The following NRXN1 variants were observed in gnomAD, a reference collection of about 807,000 sequenced individuals.
NRXN1 encodes neurexin 1, also known as neurexin-1.
In NRXN1, 39 loss-of-function variants were observed where a neutral mutation model predicts 150.9. That is an observed-to-expected ratio of 0.26 (90% CI 0.20 to 0.34). The LOEUF is 0.34. Among genes scored for constraint, NRXN1 ranks in the 10% least tolerant of loss-of-function variants. NRXN1 has a pLI of 1.00. For synonymous variants in NRXN1, 924 were observed against 757.0 expected (o/e 1.22, Z -3.62); for missense variants, 1,815 against 1,949.9 (o/e 0.93, Z 1.30).
At chr2:50,448,620 A>C (rs879906172) in intron 17 of NRXN1, among the ~76,000 whole-genome samples, 7 of 152,340 alleles carry the variant, frequency 4.6e-5, no homozygotes, top group Admixed American at 4.6e-4. Flanking sequence ...ACTTTTTACT[A>C]AACTAAAATG....
intron 17 of NRXN1, among the ~76,000 whole-genome samples, chr2:50,313,477 G>A (rs1056903619): frequency 3.3e-5 from 5 of 152,112 alleles, no homozygotes; most frequent in Non-Finnish European, 7.4e-5. Context: ...TGCCATGAAA[G>A]CTGTGAGCCC....
intron 5 of NRXN1, among the ~76,000 whole-genome samples, chr2:50,781,656 T>C (rs1336991623): frequency 6.6e-6 from 1 of 152,220 alleles, no homozygotes; most frequent in Non-Finnish European, 1.5e-5. Flanking sequence ...AGAGGTTATA[T>C]AAATAGTGAC....
rs71225142 is a variant in NRXN1, at chr2:50,683,646, A to AAT, written c.833-60033_833-60032dup. Among the ~76,000 whole-genome samples the AAT allele has an allele frequency of 2.4e-3, 35 of 14,880 alleles. 4 individuals carry two copies. Among genetic ancestry groups the AAT allele is most frequent in the Admixed American group, 8.6e-3 (8 of 932 alleles). The allele number at this position is 14,880 out of a possible 152,430, so 9.8% of individuals were successfully genotyped here. ...GACTCCGTCTCAAAAAAAAAAAAAA[A>AAT]ATATATATATATATATATATGTTAT... is the stretch of plus-strand genomic sequence containing the variant. On this transcript the variant is annotated intron_variant, in intron 5 of 22. Transcript: ENST00000401669.
intron 2 of NRXN1, among the ~76,000 whole-genome samples, chr2:50,930,436 T>C (rs929796438): frequency 1.3e-5 from 2 of 152,110 alleles, no homozygotes; most frequent in Non-Finnish European, 2.9e-5. Context: ...CCTAAAGTTA[T>C]TGCGATTTAT....
chr2:49,937,758 T>C (rs867767278), intron 22 of NRXN1, among the ~76,000 whole-genome samples: 1 of 152,212 alleles, frequency 6.6e-6, no homozygotes, highest in African/African-American at 2.4e-5. Flanking sequence ...TTGACAGCAA[T>C]GTGTTGGCTA....
chr2:49,959,451 G>T (rs1160089406), intron 21 of NRXN1, among the ~76,000 whole-genome samples: 1 of 151,922 alleles, frequency 6.6e-6, no homozygotes, highest in Non-Finnish European at 1.5e-5. Flanking sequence ...GCTCTTCACG[G>T]TAGCATCTTT....
At position 49,956,184 on chromosome 2, in the gene NRXN1, T is replaced by C. The variant is rs867071182; in HGVS notation, c.4129-12393A>G. Among the ~76,000 whole-genome samples, 23 of 151,914 alleles carry C rather than the reference T, an allele frequency of 1.5e-4. No homozygotes were observed. The South Asian group carries it at 1.7e-3, about 11-fold the overall frequency. On this transcript the variant is annotated intron_variant, in intron 21 of 22. Coordinates refer to ENST00000401669, the MANE Select transcript of NRXN1 (RefSeq NM_001330078.2). ...ATTCCAGCCAGTATAATCAGAAAAA[T>C]AGAAGTAATTTGATAGGAAAAATAA...
chr2:49,974,244 C>T (rs200527832), intron 21 of NRXN1: 538 of 664,870 alleles, frequency 8.1e-4, no homozygotes, highest in Non-Finnish European at 1.2e-3. Context: ...CAATGGCTGA[C>T]GCACTACGGC....
intron 8 of NRXN1, among the ~76,000 whole-genome samples, chr2:50,596,863 C>CTTTTTTTTTT (rs3053104): frequency 3.3e-5 from 3 of 92,152 alleles, no homozygotes; most frequent in African/African-American, 4.3e-5. Flanking sequence ...ATTCCTAGGA[C>CTTTTTTTTTT]TTTTTTTTTT....
At chr2:50,610,823 C>T (rs750186527) in intron 8 of NRXN1, among the ~76,000 whole-genome samples, 4 of 148,302 alleles carry the variant, frequency 2.7e-5, no homozygotes, top group Non-Finnish European at 5.9e-5. Context: ...GAGACAGTCT[C>T]GCTTTGTCAT....
Position 50,346,610 on chromosome 2 carries a change from C to T in NRXN1, c.3365-109640G>A, listed in dbSNP as rs1029826529. The T allele has an allele frequency of 6.8e-7, 1 of 1,474,426 alleles. No homozygotes were observed. Among genetic ancestry groups the T allele is most frequent in the Non-Finnish European group, 9.5e-7 (1 of 1,057,992 alleles). 91.3% of individuals were successfully genotyped at this position (1,474,426 alleles called of 1,614,324 possible). On this transcript the variant is annotated intron_variant, in intron 17 of 22. Transcript: ENST00000401669. This position sits in a 1 kb window ranked among gnomAD's most constrained non-coding sequence, Gnocchi z 5.0. ...TTGTCGAGCTCCCATTTCTCTGAGC[C>T]TTAGGAGCCCAGGAGCGAGTGCAGG...
At position 50,677,299 on chromosome 2, in the gene NRXN1, T is replaced by C. The variant is rs144054884; in HGVS notation, c.833-53684A>G. On this transcript the variant is annotated intron_variant, in intron 5 of 22. Transcript: ENST00000401669. ...TTTTCAATGGCCAACATAATTGATA[T>C]TCTCTTCCAGAATTTAACTTTGGCA... is the stretch of plus-strand genomic sequence containing the variant. Among the ~76,000 whole-genome samples the C allele has an allele frequency of 3.0e-3, 460 of 152,278 alleles. 4 individuals carry two copies. The highest frequency in any genetic ancestry group is 5.8e-3 in the Non-Finnish European group (393 of 68,016).
chr2:50,812,809 A>AG (rs1668411201), intron 5 of NRXN1, among the ~76,000 whole-genome samples: 1 of 151,434 alleles, frequency 6.6e-6, no homozygotes, highest in Non-Finnish European at 1.5e-5. Flanking sequence ...GCAAAAAAAA[A>AG]AAGAAAAGGA....
At chr2:50,870,761 C>T (rs534273740) in intron 5 of NRXN1, among the ~76,000 whole-genome samples, 1 of 151,932 alleles carries the variant, frequency 6.6e-6, no homozygotes. Context: ...ATTTTTCACT[C>T]ATCACATCCC....
At chr2:50,216,411 T>A (rs1298499007) in intron 18 of NRXN1, among the ~76,000 whole-genome samples, 1 of 152,034 alleles carries the variant, frequency 6.6e-6, no homozygotes, top group Non-Finnish European at 1.5e-5. Context: ...ATTTTGAAGT[T>A]GAATGAGGAT....
chr2:50,187,034 A>G (rs560989640), intron 18 of NRXN1, among the ~76,000 whole-genome samples: 2 of 152,190 alleles, frequency 1.3e-5, no homozygotes, highest in African/African-American at 4.8e-5. Flanking sequence ...AGAGGTAAGT[A>G]AGGTCCACTA....
intron 17 of NRXN1, among the ~76,000 whole-genome samples, chr2:50,441,433 C>T (rs1396170857): frequency 6.6e-6 from 1 of 152,030 alleles, no homozygotes; most frequent in Non-Finnish European, 1.5e-5. Context: ...TACAACTTTC[C>T]ATTGACACGG....
intron 5 of NRXN1, among the ~76,000 whole-genome samples, chr2:50,889,575 T>C (rs1278694405): frequency 6.6e-6 from 1 of 151,766 alleles, no homozygotes; most frequent in Admixed American, 6.6e-5. Flanking sequence ...AACGTGTACA[T>C]TATTTTCAGA....
chr2:50,951,963 A>ATTTT lies in NRXN1; in HGVS notation c.773-26012_773-26009dup, dbSNP rs1295565122. 3.0e-3 allele frequency among the ~76,000 whole-genome samples: 224 copies of ATTTT among 74,798 alleles called. 3 individuals are homozygous for ATTTT. Among genetic ancestry groups the ATTTT allele is most frequent in the Non-Finnish European group, 3.6e-3 (157 of 43,540 alleles). The allele number at this position is 74,798 out of a possible 152,430, so 49.1% of individuals were successfully genotyped here. ...AATAAATATATATATATATATATATATTTTTTTTTTTTTTTTTTTTTGAGA... is the reference window on the plus strand; with the variant it reads ...AATAAATATATATATATATATATATATTTTTTTTTTTTTTTTTTTTTTTTTGAGA... On this transcript the variant is annotated intron_variant, in intron 2 of 22. Transcript: ENST00000401669.
Sources: allele counts gnomAD v4.1 joint callset (sites outside exome capture counted in the v4.1 genomes callset), GRCh38; gene constraint gnomAD v4.1.1; non-coding constraint Gnocchi (gnomAD v3.1); transcripts MANE v1.5; gene names NCBI Gene and HGNC (gene_info 2026-07-23, HGNC 2026-07-21).